TMEM74: variants seen among roughly 807,000 people sequenced by gnomAD.
TMEM74 encodes the protein transmembrane protein 74.
TMEM74 carries 13 observed loss-of-function variants against 18.1 expected under a neutral mutation model. That is an observed-to-expected ratio of 0.72 (90% CI 0.47 to 1.14). TMEM74 has a LOEUF of 1.14. TMEM74 is among the 50% of genes most tolerant of loss of function. TMEM74 has a pLI of 0.00. For synonymous variants in TMEM74, 159 were observed against 146.6 expected (o/e 1.08, Z -0.61); for missense variants, 372 against 375.9 (o/e 0.99, Z 0.09).
At chr8:108,714,601 G>A (rs1813505151) in intron 1 of TMEM74, among the ~76,000 whole-genome samples, 1 of 152,178 alleles carries the variant, frequency 6.6e-6, no homozygotes, top group Non-Finnish European at 1.5e-5. Flanking sequence ...CATTAGTGCA[G>A]TTACTGTGGA....
At chr8:108,632,028 C>T (rs772954066) in intron 2 of TMEM74, among the ~76,000 whole-genome samples, 1 of 151,914 alleles carries the variant, frequency 6.6e-6, no homozygotes, top group African/African-American at 2.4e-5. Context: ...GGAGGCTTAC[C>T]ATTTCAACTG....
chr8:108,608,135 C>G (rs749429921), intron 3 of TMEM74, among the ~76,000 whole-genome samples: 1 of 151,798 alleles, frequency 6.6e-6, no homozygotes, highest in Non-Finnish European at 1.5e-5. Flanking sequence ...AACTCCATCG[C>G]TACTAAAAAT....
intron 2 of TMEM74, among the ~76,000 whole-genome samples, chr8:108,631,654 C>G (rs552579301): frequency 1.3e-5 from 2 of 151,926 alleles, no homozygotes; most frequent in Non-Finnish European, 2.9e-5. Flanking sequence ...ACACTTCTGC[C>G]CGTTCTGTAG....
At chr8:108,703,759 A>G (rs1813362149) in intron 1 of TMEM74, among the ~76,000 whole-genome samples, 1 of 152,208 alleles carries the variant, frequency 6.6e-6, no homozygotes, top group East Asian at 1.9e-4. Context: ...AACAGAGGGA[A>G]TGAATCTCTT....
chr8:108,733,936 A>G (rs1160259551), intron 1 of TMEM74, among the ~76,000 whole-genome samples: 1 of 152,182 alleles, frequency 6.6e-6, no homozygotes, highest in Admixed American at 6.5e-5. Context: ...ATTCCAAGCT[A>G]TTTACAAACC....
chr8:108,637,050 G>T (rs1005781629), intron 2 of TMEM74, among the ~76,000 whole-genome samples: 9 of 152,140 alleles, frequency 5.9e-5, no homozygotes, highest in African/African-American at 2.2e-4. Flanking sequence ...TAGGATTAGG[G>T]CTTTGATAAA....
intron 2 of TMEM74, among the ~76,000 whole-genome samples, chr8:108,654,981 A>G (rs1262027776): frequency 2.6e-5 from 4 of 152,154 alleles, no homozygotes; most frequent in African/African-American, 9.7e-5. Context: ...GTAATGTACT[A>G]ATTACTATAG....
chr8:108,631,331 G>A (rs1480576034), intron 2 of TMEM74, among the ~76,000 whole-genome samples: 1 of 151,964 alleles, frequency 6.6e-6, no homozygotes, highest in African/African-American at 2.4e-5. Context: ...GCCCGAAAGG[G>A]TATTGCCAGT....
intron 2 of TMEM74, among the ~76,000 whole-genome samples, chr8:108,616,673 C>A (rs189331423): frequency 1.3e-5 from 2 of 152,238 alleles, no homozygotes; most frequent in African/African-American, 4.8e-5. Flanking sequence ...AGAAGACACA[C>A]CAACACATAC....
rs1373362505 is a variant in TMEM74, at chr8:108,783,299, C to T, written c.*882G>A. Reference sequence around the variant, plus strand: ...ACACCAGAGCCAATCATGACTCAGGCCTGTCTAGATGTTTAGATGTCTGGA... The same window carrying T: ...ACACCAGAGCCAATCATGACTCAGGTCTGTCTAGATGTTTAGATGTCTGGA... On this transcript the variant is annotated 3_prime_UTR_variant, in exon 2 of 2. Transcript: ENST00000297459. 2.6e-5 allele frequency among the ~76,000 whole-genome samples: 4 copies of T among 152,080 alleles called. No individual in the cohort carries two copies. Among genetic ancestry groups the T allele is most frequent in the Non-Finnish European group, 5.9e-5 (4 of 68,008 alleles).
intron 1 of TMEM74, among the ~76,000 whole-genome samples, chr8:108,764,422 A>T (rs577699983): frequency 5.3e-5 from 8 of 152,220 alleles, no homozygotes; most frequent in Non-Finnish European, 1.2e-4. Flanking sequence ...GGAAGGGTTA[A>T]AAAGGTGAGA....
intron 2 of TMEM74, among the ~76,000 whole-genome samples, chr8:108,618,266 G>A (rs1477116917): frequency 6.6e-6 from 1 of 152,158 alleles, no homozygotes; most frequent in African/African-American, 2.4e-5. Flanking sequence ...TTTTGGAGCA[G>A]TAGCAATGGG....
At chr8:108,761,182 A>G (rs1178393336) in intron 1 of TMEM74, among the ~76,000 whole-genome samples, 1 of 152,118 alleles carries the variant, frequency 6.6e-6, no homozygotes, top group Non-Finnish European at 1.5e-5. Flanking sequence ...GAAAAGCGGT[A>G]CACTATAGTG....
chr8:108,631,751 G>T (rs1812554674), intron 2 of TMEM74, among the ~76,000 whole-genome samples: 1 of 152,070 alleles, frequency 6.6e-6, no homozygotes. Flanking sequence ...TGTTGCGATT[G>T]CTTCTGGTGC....
chr8:108,743,890 A>G (rs1473456090), intron 1 of TMEM74, among the ~76,000 whole-genome samples: 1 of 152,142 alleles, frequency 6.6e-6, no homozygotes, highest in East Asian at 1.9e-4. Flanking sequence ...GAATGTTTGA[A>G]AATGTGGGGG....
chr8:108,646,920 G>C (rs1812726099), intron 2 of TMEM74, among the ~76,000 whole-genome samples: 1 of 152,102 alleles, frequency 6.6e-6, no homozygotes, highest in Non-Finnish European at 1.5e-5. Context: ...TTCCTCCTTG[G>C]TTATTTCATT....
intron 1 of TMEM74, among the ~76,000 whole-genome samples, chr8:108,742,811 G>A (rs1157123994): frequency 1.3e-5 from 2 of 152,162 alleles, no homozygotes; most frequent in African/African-American, 4.8e-5. Context: ...CAAGCCTTCT[G>A]ATTTTAGAGA....
chr8:108,718,616 A>G (rs1298702290), intron 1 of TMEM74, among the ~76,000 whole-genome samples: 1 of 152,166 alleles, frequency 6.6e-6, no homozygotes, highest in Non-Finnish European at 1.5e-5. Flanking sequence ...ACTAACAGAG[A>G]GAGAGAAATG....
intron 1 of TMEM74, among the ~76,000 whole-genome samples, chr8:108,742,770 G>T (rs1054031445): frequency 3.2e-4 from 49 of 151,508 alleles, no homozygotes; most frequent in African/African-American, 1.1e-3. Flanking sequence ...CTCTGAGAAA[G>T]CCTGGATTTT....
Sources: allele counts gnomAD v4.1 joint callset (sites outside exome capture counted in the v4.1 genomes callset), GRCh38; gene constraint gnomAD v4.1.1; transcripts MANE v1.5; gene names NCBI Gene and HGNC (gene_info 2026-07-23, HGNC 2026-07-21).